NECTIN3: variants seen among roughly 807,000 people sequenced by gnomAD.
NECTIN3 encodes the protein nectin-3.
In NECTIN3, 8 loss-of-function variants were observed where a neutral mutation model predicts 49.4. That is an observed-to-expected ratio of 0.16 (90% CI 0.10 to 0.29). The LOEUF (loss-of-function observed/expected upper bound fraction) is 0.29, where lower values mean the gene tolerates loss of function less well. Among genes scored for constraint, NECTIN3 ranks in the 10% least tolerant of loss-of-function variants. The pLI, the probability that NECTIN3 is intolerant of heterozygous loss-of-function variation, is 1.00. For synonymous variants in NECTIN3, 277 were observed against 241.1 expected (o/e 1.15, Z -1.38); for missense variants, 581 against 654.6 (o/e 0.89, Z 1.23).
At chr3:111,101,638 G>A (rs546202830) in intron 1 of NECTIN3, among the ~76,000 whole-genome samples, 1 of 152,200 alleles carries the variant, frequency 6.6e-6, no homozygotes, top group East Asian at 1.9e-4. Flanking sequence ...ATATAATGTA[G>A]CTATACTGTT....
At chr3:111,104,423 C>T (rs551743236) in intron 1 of NECTIN3, among the ~76,000 whole-genome samples, 6 of 149,360 alleles carry the variant, frequency 4.0e-5, no homozygotes, top group South Asian at 2.1e-4. Flanking sequence ...TAGGCTCAAG[C>T]GATTCTTCCA....
At chr3:111,164,869 G>A (rs906040438) in intron 7 of NECTIN3, among the ~76,000 whole-genome samples, 6 of 152,042 alleles carry the variant, frequency 3.9e-5, no homozygotes, top group Non-Finnish European at 2.9e-5. Flanking sequence ...CTTTTTTGAG[G>A]ACACAGTTCA....
rs543232089 is a variant in NECTIN3 at position 111,113,240 on chromosome 3, A to G, written c.502+869A>G. ...GTGATTGAACAAGATAGTGGTGTGAAGAGTTTTACCCAAAGTGGACTCCTT... is the reference window on the plus strand; with the variant it reads ...GTGATTGAACAAGATAGTGGTGTGAGGAGTTTTACCCAAAGTGGACTCCTT... On this transcript the variant is annotated intron_variant, in intron 2 of 5. Transcript: ENST00000485303. Among the ~76,000 whole-genome samples the G allele has an allele frequency of 3.9e-5, 6 of 152,300 alleles. No individual in the cohort carries two copies. In the South Asian group the frequency reaches 8.3e-4, roughly 21 times the overall value.
rs2034073209 is a variant in NECTIN3 at position 111,124,296 on chromosome 3, CA to C, written c.918-1887del. Among the ~76,000 whole-genome samples, 11 of 152,164 alleles carry C rather than the reference CA, an allele frequency of 7.2e-5. No individual in the cohort carries two copies. In the South Asian group the frequency reaches 2.3e-3, roughly 32 times the overall value. ...TAATCCTAAATTTCCTTGCCAGTAA[CA>C]GTACTTCATAGAGTTTTTGTGAGGT... On this transcript the variant is annotated intron_variant, in intron 4 of 5. Transcript: ENST00000485303.
intron 1 of NECTIN3, among the ~76,000 whole-genome samples, chr3:111,103,583 T>C (rs1227122967): frequency 2.0e-5 from 3 of 151,822 alleles, no homozygotes; most frequent in Non-Finnish European, 4.4e-5. Flanking sequence ...TCTTAATAAA[T>C]AAAGAAATAA....
chr3:111,089,009 G>T (rs1048765122), intron 1 of NECTIN3, among the ~76,000 whole-genome samples: 1 of 152,060 alleles, frequency 6.6e-6, no homozygotes, highest in Non-Finnish European at 1.5e-5. Flanking sequence ...TAGTCAGATT[G>T]ATTGTGTCAT....
At chr3:111,128,278 A>G (rs551727132) in intron 5 of NECTIN3, among the ~76,000 whole-genome samples, 1 of 151,798 alleles carries the variant, frequency 6.6e-6, no homozygotes, top group African/African-American at 2.4e-5. Context: ...CAGAGATTGC[A>G]GTGAGCCCAG....
At chr3:111,122,873 G>A (rs1245067360) in intron 4 of NECTIN3, among the ~76,000 whole-genome samples, 2 of 151,972 alleles carry the variant, frequency 1.3e-5, no homozygotes, top group African/African-American at 4.8e-5. Flanking sequence ...ATCTCCAGAT[G>A]TATCTATCAA....
intron 1 of NECTIN3, among the ~76,000 whole-genome samples, chr3:111,078,008 T>A (rs1328062661): frequency 1.3e-5 from 2 of 152,202 alleles, no homozygotes; most frequent in Non-Finnish European, 2.9e-5. Flanking sequence ...AGCATGCAAT[T>A]GTTATTAAAA....
intron 7 of NECTIN3, among the ~76,000 whole-genome samples, chr3:111,150,157 G>A (rs1264213084): frequency 6.6e-6 from 1 of 151,952 alleles, no homozygotes; most frequent in Non-Finnish European, 1.5e-5. Context: ...TCCGTGAAAT[G>A]GATATTTATT....
intron 3 of NECTIN3, among the ~76,000 whole-genome samples, chr3:111,121,001 CTTTTTTT>C: frequency 7.7e-6 from 1 of 129,542 alleles, no homozygotes; most frequent in Non-Finnish European, 1.7e-5. Context: ...TTATTTCTTT[CTTTTTTT>C]TTTTTTTTTT....
Position 111,116,812 on chromosome 3 carries a change from A to G in NECTIN3, c.503-1844A>G, listed in dbSNP as rs115391648. Among the ~76,000 whole-genome samples the G allele has an allele frequency of 3.6e-3, 547 of 152,234 alleles. 2 individuals are homozygous for G. Among genetic ancestry groups the G allele is most frequent in the Admixed American group, 6.3e-3 (97 of 15,288 alleles). On this transcript the variant is annotated intron_variant, in intron 2 of 5. Transcript: ENST00000485303. ...CTCAGTGGTATACCATTACATACCT[A>G]TCAGATTGCAAACATTGAGAAGTCT...
chr3:111,110,861 T>C (rs1442062973), intron 1 of NECTIN3, among the ~76,000 whole-genome samples: 1 of 152,096 alleles, frequency 6.6e-6, no homozygotes, highest in East Asian at 1.9e-4. Context: ...CTTTTTTGTT[T>C]TTGTTTATTC....
intron 2 of NECTIN3, among the ~76,000 whole-genome samples, chr3:111,115,524 G>C (rs2033654723): frequency 6.6e-6 from 1 of 152,138 alleles, no homozygotes; most frequent in South Asian, 2.1e-4. Flanking sequence ...TCCCTCTTAG[G>C]CTTATTGAAT....
intron 7 of NECTIN3, among the ~76,000 whole-genome samples, chr3:111,153,518 G>A (rs1248868422): frequency 6.6e-6 from 1 of 151,826 alleles, no homozygotes; most frequent in Non-Finnish European, 1.5e-5. Flanking sequence ...ATGTTTTATA[G>A]GGATTAATCA....
chr3:111,097,698 A>AC (rs977127652), intron 1 of NECTIN3, among the ~76,000 whole-genome samples: 8 of 152,186 alleles, frequency 5.3e-5, no homozygotes, highest in Non-Finnish European at 1.2e-4. Context: ...TATGCCTGCT[A>AC]CCATCCATGT....
chr3:111,158,397 G>A (rs2035141121), intron 7 of NECTIN3, among the ~76,000 whole-genome samples: 3 of 152,054 alleles, frequency 2.0e-5, no homozygotes, highest in African/African-American at 7.2e-5. Flanking sequence ...TTGGTGGGCA[G>A]TAATTCTTTA....
chr3:111,166,028 A>C (rs185895491), intron 7 of NECTIN3, among the ~76,000 whole-genome samples: 1 of 152,118 alleles, frequency 6.6e-6, no homozygotes, highest in Non-Finnish European at 1.5e-5. Flanking sequence ...ACAATCCTCA[A>C]ATTTCAGGGA....
At chr3:111,075,577 G>T (rs546837924) in intron 1 of NECTIN3, among the ~76,000 whole-genome samples, 60 of 152,176 alleles carry the variant, frequency 3.9e-4, no homozygotes, top group Middle Eastern at 3.4e-3. Context: ...AACCAGGCTG[G>T]TATTAGTGAT....
Sources: allele counts gnomAD v4.1 joint callset (sites outside exome capture counted in the v4.1 genomes callset), GRCh38; gene constraint gnomAD v4.1.1; transcripts MANE v1.5; gene names NCBI Gene and HGNC (gene_info 2026-07-23, HGNC 2026-07-21).